The following PCSK2 variants were observed in gnomAD, a reference collection of about 807,000 sequenced individuals.
PCSK2 encodes the protein proprotein convertase subtilisin/kexin type 2.
In PCSK2, 14 loss-of-function variants were observed where a neutral mutation model predicts 69.7. The ratio of observed to expected loss-of-function variants is 0.20; its 90% CI spans 0.13 to 0.31. The LOEUF is 0.31. PCSK2 is among the 10% of genes least tolerant of loss of function. The pLI is 1.00. For synonymous variants in PCSK2, 307 were observed against 320.7 expected (o/e 0.96, Z 0.46); for missense variants, 544 against 842.5 (o/e 0.65, Z 4.39).
chr20:17,276,901 A>G (rs1331456135), intron 2 of PCSK2, among the ~76,000 whole-genome samples: 3 of 152,198 alleles, frequency 2.0e-5, no homozygotes, highest in African/African-American at 7.2e-5. Context: ...TGCAAAAATC[A>G]CAAGCGTTCT....
At chr20:17,278,387 G>T (rs1343016243) in intron 2 of PCSK2, among the ~76,000 whole-genome samples, 1 of 152,206 alleles carries the variant, frequency 6.6e-6, no homozygotes, top group Non-Finnish European at 1.5e-5. Flanking sequence ...ATACTATGCA[G>T]CCATAAAAAA....
At chr20:17,277,293 G>A (rs1225957088) in intron 2 of PCSK2, among the ~76,000 whole-genome samples, 1 of 152,152 alleles carries the variant, frequency 6.6e-6, no homozygotes, top group Non-Finnish European at 1.5e-5. Context: ...AAAGCTGGAG[G>A]CATCACGCTA....
chr20:17,316,033 A>G (rs1568599687), intron 2 of PCSK2, among the ~76,000 whole-genome samples: 1 of 152,160 alleles, frequency 6.6e-6, no homozygotes, highest in Non-Finnish European at 1.5e-5. Flanking sequence ...CTGCCTCTCC[A>G]GTCAGGCCGC....
Position 17,354,367 on chromosome 20 carries a change from C to A in PCSK2, c.283-3960C>A, listed in dbSNP as rs551000907. On this transcript the variant is annotated intron_variant, in intron 2 of 11. Transcript: ENST00000262545. ...TGTATGCATGTTATTCGTATCACATCTAAATGGTAATAAAAGGTATAGTGT... is the reference window on the plus strand; with the variant it reads ...TGTATGCATGTTATTCGTATCACATATAAATGGTAATAAAAGGTATAGTGT... Among the ~76,000 whole-genome samples, 5 of 152,198 alleles carry A rather than the reference C, an allele frequency of 3.3e-5. No individual in the cohort carries two copies. In the East Asian group the frequency reaches 9.6e-4, roughly 29 times the overall value.
chr20:17,353,190 C>T (rs141460022), intron 2 of PCSK2, among the ~76,000 whole-genome samples: 177 of 152,104 alleles, frequency 1.2e-3, no homozygotes, highest in Non-Finnish European at 2.2e-3. Context: ...AGGCTGGATG[C>T]GGTGGCTCAT....
chr20:17,308,990 G>T (rs946299994), intron 2 of PCSK2, among the ~76,000 whole-genome samples: 2 of 152,218 alleles, frequency 1.3e-5, no homozygotes, highest in African/African-American at 4.8e-5. Flanking sequence ...GATTTAAAGG[G>T]AGGGGAAACA....
chr20:17,314,535 G>A (rs1358376748), intron 2 of PCSK2, among the ~76,000 whole-genome samples: 1 of 152,200 alleles, frequency 6.6e-6, no homozygotes, highest in African/African-American at 2.4e-5. Context: ...GGATGTGAAC[G>A]ATTTGGGAGG....
intron 11 of PCSK2, chr20:17,479,321 G>T: frequency 1.2e-6 from 1 of 804,466 alleles, no homozygotes. Flanking sequence ...TGATGTTGTT[G>T]TAATTATAAT....
chr20:17,349,821 A>G (rs1296648364), intron 2 of PCSK2, among the ~76,000 whole-genome samples: 1 of 151,928 alleles, frequency 6.6e-6, no homozygotes, highest in Non-Finnish European at 1.5e-5. Context: ...CATTTGAATT[A>G]CCTGGAAAGT....
intron 2 of PCSK2, among the ~76,000 whole-genome samples, chr20:17,263,799 G>A (rs1384646711): frequency 6.6e-6 from 1 of 152,110 alleles, no homozygotes; most frequent in Non-Finnish European, 1.5e-5. Context: ...CACAGTCGTG[G>A]TACAGGCACC....
chr20:17,373,955 C>G (rs2030850104), intron 5 of PCSK2, among the ~76,000 whole-genome samples: 1 of 152,144 alleles, frequency 6.6e-6, no homozygotes, highest in African/African-American at 2.4e-5. Flanking sequence ...GGATCCAGTC[C>G]CACTGGTAAA....
At chr20:17,479,640 A>C (rs1378133159) in intron 11 of PCSK2, among the ~76,000 whole-genome samples, 1 of 152,068 alleles carries the variant, frequency 6.6e-6, no homozygotes, top group Admixed American at 6.5e-5. Flanking sequence ...TTTACTAAAA[A>C]TATAAATAAT....
chr20:17,298,203 A>G (rs867353426), intron 2 of PCSK2, among the ~76,000 whole-genome samples: 3 of 152,156 alleles, frequency 2.0e-5, no homozygotes, highest in Non-Finnish European at 2.9e-5. Context: ...ATTTTAGCAC[A>G]CTGTTACTTC....
At chr20:17,441,440 C>G (rs905904866) in intron 8 of PCSK2, among the ~76,000 whole-genome samples, 1 of 152,168 alleles carries the variant, frequency 6.6e-6, no homozygotes, top group Non-Finnish European at 1.5e-5. Flanking sequence ...TGAATTCTTT[C>G]AAAGGTCTGA....
intron 11 of PCSK2, among the ~76,000 whole-genome samples, chr20:17,481,243 G>A (rs1169314024): frequency 2.0e-5 from 3 of 151,944 alleles, no homozygotes. Flanking sequence ...TTAGCCAGGC[G>A]TGGTGGCACA....
chr20:17,421,896 G>GA (rs1182977850), intron 6 of PCSK2, among the ~76,000 whole-genome samples: 3 of 141,646 alleles, frequency 2.1e-5, no homozygotes, highest in African/African-American at 7.9e-5. Flanking sequence ...CAAAATGCCT[G>GA]AAAAAAATAC....
chr20:17,454,799 T>A (rs1400863606), intron 9 of PCSK2, among the ~76,000 whole-genome samples: 1 of 152,154 alleles, frequency 6.6e-6, no homozygotes, highest in African/African-American at 2.4e-5. Context: ...GGACAGGAGC[T>A]CAGGACAAAA....
intron 10 of PCSK2, among the ~76,000 whole-genome samples, chr20:17,461,166 T>C (rs1343834422): frequency 6.6e-6 from 1 of 152,086 alleles, no homozygotes; most frequent in Non-Finnish European, 1.5e-5. Context: ...TTCACTTTCT[T>C]TGAGATGAGA....
At chr20:17,372,236 G>A (rs754954066) in intron 5 of PCSK2, among the ~76,000 whole-genome samples, 61 of 152,024 alleles carry the variant, frequency 4.0e-4, no homozygotes, top group Admixed American at 5.9e-4. Context: ...GAAATTAGCC[G>A]GGCGTGGTGG....
Sources: gnomAD v4.1 joint callset for allele counts (sites outside exome capture counted in the v4.1 genomes callset) on GRCh38, gnomAD v4.1.1 for gene constraint, MANE v1.5 for transcripts, NCBI Gene and HGNC (gene_info 2026-07-23, HGNC 2026-07-21) for gene names.